ZNF37A: variants seen among roughly 807,000 people sequenced by gnomAD.
ZNF37A encodes the protein zinc finger protein 37a (KOX 21).
A neutral mutation model predicts 12.3 loss-of-function variants in ZNF37A; 10 were observed. The observed-to-expected ratio is 0.82, with a 90% CI of 0.50 to 1.38. The LOEUF (loss-of-function observed/expected upper bound fraction) is 1.38. Ranked by LOEUF, ZNF37A falls within the 40% of genes most tolerant of loss-of-function variation. The pLI is 0.00. For synonymous variants in ZNF37A, 207 were observed against 223.0 expected (o/e 0.93, Z 0.64); for missense variants, 580 against 651.2 (o/e 0.89, Z 1.19).
chr10:38,114,729 G>C (rs1590889789), intron 5 of ZNF37A, 26 bp from the exon 6 acceptor site: 9 of 1,613,912 alleles, frequency 5.6e-6, no homozygotes, highest in Non-Finnish European at 7.6e-6. Flanking sequence ...TATCACTTCA[G>C]ACTGAGCAAA....
intron 5 of ZNF37A, among the ~76,000 whole-genome samples, chr10:38,105,974 T>A (rs2068041041): frequency 2.1e-5 from 1 of 48,050 alleles, no homozygotes; most frequent in Admixed American, 2.5e-4. Context: ...TGTCTTTTAT[T>A]TTTTTTTTCT....
At chr10:38,099,856 T>G (rs1193268333) in intron 5 of ZNF37A, among the ~76,000 whole-genome samples, 2 of 152,216 alleles carry the variant, frequency 1.3e-5, no homozygotes, top group South Asian at 4.1e-4. Flanking sequence ...TTTTGATTTG[T>G]ATTTCCCTAA....
At chr10:38,095,860 A>T (rs1474253343) in intron 4 of ZNF37A, 56 bp downstream of exon 4, 3 of 152,166 alleles carry the variant, frequency 2.0e-5, no homozygotes, top group Non-Finnish European at 2.9e-5. Context: ...AGAACCTCAA[A>T]TCAAGTTAGA....
downstream of ZNF37A, chr10:38,125,545 CAT>C (rs1402464412): frequency 3.3e-5 from 5 of 152,048 alleles, no homozygotes; most frequent in African/African-American, 1.2e-4. Context: ...TAATTGTAAA[CAT>C]AAAATCTCAA....
chr10:38,136,550 G>A (rs544806764), intron 7 of ZNF37A, among the ~76,000 whole-genome samples: 17 of 152,142 alleles, frequency 1.1e-4, no homozygotes, highest in Non-Finnish European at 2.1e-4. Context: ...TGTTGTATGC[G>A]ATGAGTCACT....
intron 7 of ZNF37A, among the ~76,000 whole-genome samples, chr10:38,132,727 C>T (rs1244782035): frequency 2.0e-5 from 3 of 151,902 alleles, no homozygotes; most frequent in Non-Finnish European, 4.4e-5. Context: ...TCATTTTCAA[C>T]TTGTATTTTC....
At chr10:38,113,553 T>C (rs2069000211) in intron 5 of ZNF37A, among the ~76,000 whole-genome samples, 1 of 152,116 alleles carries the variant, frequency 6.6e-6, no homozygotes, top group Non-Finnish European at 1.5e-5. Flanking sequence ...TGTGTCTTAT[T>C]GTCACTCTGC....
chr10:38,096,101 C>G lies in ZNF37A; in HGVS notation c.-45+297C>G, dbSNP rs1207882142. Among the ~76,000 whole-genome samples the G allele has an allele frequency of 2.0e-5, 3 of 151,990 alleles. No individual in the cohort carries two copies. The East Asian group carries it at 5.8e-4, about 30-fold the overall frequency. On this transcript the variant is annotated intron_variant, in intron 4 of 7. Transcript: ENST00000685332. ...CTTGGGAGGCTGAGGCAGGAGGTTG[C>G]GGTGAGTCGAGATCATGCCATCGCA...
In ZNF37A at chr10:38,101,823, C is replaced by CTTTTTTTTTTT. The variant is rs3041908; in HGVS notation, c.15+5198_15+5208dup. On this transcript the variant is annotated intron_variant, in intron 5 of 7. Transcript: ENST00000685332. ...CCAATTTCTTTTTCCTTTTATTTTT[C>CTTTTTTTTTTT]TTTTTTTTTTTTTTTTTGAGACAGA... Among the ~76,000 whole-genome samples, 19 of 133,152 alleles carry CTTTTTTTTTTT rather than the reference C, an allele frequency of 1.4e-4. 1 individual carries two copies. The highest frequency in any genetic ancestry group is 2.2e-4 in the East Asian group (1 of 4,550). The allele number at this position is 133,152 out of a possible 152,430, so 87.4% of individuals were successfully genotyped here. A position where few individuals can be genotyped will look rare whatever the true frequency, so the allele number is the denominator to read the frequency against.
intron 7 of ZNF37A, chr10:38,140,677 T>C (rs2070170390): frequency 6.6e-6 from 1 of 152,218 alleles, no homozygotes; most frequent in Non-Finnish European, 1.5e-5. Flanking sequence ...AAGAGATACA[T>C]GCATCCCGTA....
chr10:38,147,792 G>C (rs1408833693), exon 8 of ZNF37A: 1 of 152,162 alleles, frequency 6.6e-6, no homozygotes, highest in Non-Finnish European at 1.5e-5. Flanking sequence ...ACACCATCAA[G>C]GAAACTGATG....
chr10:38,100,959 G>T (rs2263163), intron 5 of ZNF37A, among the ~76,000 whole-genome samples: 1 of 151,830 alleles, frequency 6.6e-6, no homozygotes, highest in Non-Finnish European at 1.5e-5. Flanking sequence ...CTTGGCTGCA[G>T]CCGGTCCCTC....
chr10:38,148,966 T>C (rs1042824506), exon 8 of ZNF37A: 2 of 152,080 alleles, frequency 1.3e-5, no homozygotes, highest in African/African-American at 4.8e-5. Flanking sequence ...GCCTCCTCAG[T>C]AGCTGGGATT....
rs767682976 is a variant in ZNF37A, at chr10:38,118,181, C to T, written c.1030C>T (p.Gln344Ter). ...KSFSEKSTLT[Q>*]HQRTHTGEKP... Reference sequence around the variant, plus strand: ...CTTCAGTGAAAAGTCAACCCTTACTCAACATCAAAGAACGCACACAGGGGA... The same window carrying T: ...CTTCAGTGAAAAGTCAACCCTTACTTAACATCAAAGAACGCACACAGGGGA... Residue 344 changes from glutamine (Q) to a stop codon, truncating the protein, a stop_gained, in exon 8 of 8, where the codon CAA becomes TAA. Transcript: ENST00000685332. LOFTEE classifies it low-confidence loss of function (END_TRUNC). 3 of 1,613,676 alleles carry T rather than the reference C, an allele frequency of 1.9e-6. No individual in the cohort carries two copies. Among genetic ancestry groups the T allele is most frequent in the Non-Finnish European group, 2.5e-6 (3 of 1,179,866 alleles).
chr10:38,125,449 C>T (rs1445138613), downstream of ZNF37A: 2 of 152,044 alleles, frequency 1.3e-5, no homozygotes, highest in Non-Finnish European at 2.9e-5. Context: ...TTTTAAATGT[C>T]CTGTGTTTAA....
In ZNF37A at chr10:38,120,661, G is replaced by C. The variant is rs1343376211; in HGVS notation, c.*1824G>C. The stretch of plus-strand genomic sequence containing the variant: ...CACTTCTGGCTATAGGGAAGAACCT[G>C]AATACTGAACTTGATTCAGGCAGAG... On this transcript the variant is annotated 3_prime_UTR_variant, in exon 8 of 8. Coordinates refer to ENST00000685332, the MANE Select transcript of ZNF37A (RefSeq NM_001324250.3). 1 of 151,632 alleles carries C rather than the reference G, an allele frequency of 6.6e-6. No homozygotes were observed. The highest frequency in any genetic ancestry group is 6.6e-5 in the Admixed American group (1 of 15,190). 9.4% of individuals were successfully genotyped at this position (151,632 alleles called of 1,614,324 possible). A position where few individuals can be genotyped will look rare whatever the true frequency, so the allele number is the denominator to read the frequency against.
chr10:38,146,642 C>T (rs2070258924), intron 7 of ZNF37A: 1 of 395,190 alleles, frequency 2.5e-6, no homozygotes, highest in Non-Finnish European at 4.5e-6. Flanking sequence ...TAGGCAGTTT[C>T]CACATTTGAA....
Position 38,114,880 on chromosome 10 carries a change from A to G in ZNF37A, c.141A>G (p.Val47=). 6.2e-7 allele frequency: 1 copy of G among 1,609,300 alleles called. No homozygotes were observed. The highest frequency in any genetic ancestry group is 8.5e-7 in the Non-Finnish European group (1 of 1,178,230). The change falls in exon 6 of 8, where the codon GTA becomes GTG. Residue 47 remains valine, a splice_region_variant and synonymous_variant. Coordinates refer to ENST00000685332, the MANE Select transcript of ZNF37A (RefSeq NM_001324250.3). ...MLENYSHLVS[V]GYCIPKPEVI... The stretch of plus-strand genomic sequence containing the variant: ...AGAACTACAGCCACCTTGTCTCAGT[A>G]GGTAGGTAGGAATTGTTTCCCATGT...
downstream of ZNF37A, chr10:38,125,279 G>A (rs1378919666): frequency 7.2e-5 from 11 of 151,994 alleles, no homozygotes; most frequent in Non-Finnish European, 1.6e-4. Context: ...GGCGAGTAAT[G>A]GACTAAAAAA....
Sources: allele counts gnomAD v4.1 joint callset (sites outside exome capture counted in the v4.1 genomes callset), GRCh38; gene constraint gnomAD v4.1.1; transcripts MANE v1.5; gene names NCBI Gene and HGNC (gene_info 2026-07-23, HGNC 2026-07-21).